Variants in SRPK2 observed in about 807,000 individuals in gnomAD.
The protein encoded by SRPK2 is SFRS protein kinase 2.
SRPK2 carries 21 observed loss-of-function variants against 90.8 expected under a neutral mutation model. That is an observed-to-expected ratio of 0.23 (90% CI 0.16 to 0.33). SRPK2 has a LOEUF of 0.33. Among genes scored for constraint, SRPK2 ranks in the 10% least tolerant of loss-of-function variants. SRPK2 has a pLI of 1.00. For missense variants in SRPK2, 620 were observed against 869.0 expected, an observed-to-expected ratio of 0.71 and a Z score of 3.60; for synonymous variants, 288 against 311.1, an observed-to-expected ratio of 0.93 and a Z score of 0.78.
At chr7:105,141,705 A>C (rs186126213) in intron 11 of SRPK2, among the ~76,000 whole-genome samples, 1 of 152,360 alleles carries the variant, frequency 6.6e-6, no homozygotes, top group East Asian at 1.9e-4. Context: ...ACTAAACTAC[A>C]CATTCTAGAA....
chr7:105,124,640 TA>T lies in SRPK2; in HGVS notation c.1915+1607del, dbSNP rs57925635. On this transcript the variant is annotated intron_variant, in intron 15 of 15. Transcript: ENST00000393651. ...TGGACAACAAGAGCAAAACTCCATC[TA>T]AAAAAAAAAAAAAAAAAATCAATGT... Among the ~76,000 whole-genome samples, 87 of 52,930 alleles carry T rather than the reference TA, an allele frequency of 1.6e-3. 1 individual carries two copies. The highest frequency in any genetic ancestry group is 4.6e-3 in the South Asian group (5 of 1,078). 34.7% of individuals were successfully genotyped at this position (52,930 alleles called of 152,430 possible).
chr7:105,374,775 A>G (rs934728190), intron 2 of SRPK2, among the ~76,000 whole-genome samples: 1 of 151,964 alleles, frequency 6.6e-6, no homozygotes, highest in Admixed American at 6.6e-5. Flanking sequence ...ACGCCCAGCT[A>G]TTTTTGTGTT....
At chr7:105,373,934 T>A (rs961679113) in intron 2 of SRPK2, among the ~76,000 whole-genome samples, 11 of 151,958 alleles carry the variant, frequency 7.2e-5, no homozygotes, top group Non-Finnish European at 1.3e-4. Context: ...CTCCCGACTT[T>A]CTTTCTTTTT....
intron 3 of SRPK2, among the ~76,000 whole-genome samples, chr7:105,185,407 A>T (rs1422878915): frequency 1.3e-5 from 2 of 152,072 alleles, no homozygotes; most frequent in African/African-American, 4.8e-5. Flanking sequence ...TATAACTAAA[A>T]AATTAAGTTC....
intron 15 of SRPK2, among the ~76,000 whole-genome samples, chr7:105,122,902 G>A (rs569787701): frequency 6.6e-6 from 1 of 151,086 alleles, no homozygotes; most frequent in Non-Finnish European, 1.5e-5. Flanking sequence ...TAAGTAAACT[G>A]TCTCATTTGA....
chr7:105,233,131 GGAAGGAAGGAA>G (rs1799706985), intron 2 of SRPK2, among the ~76,000 whole-genome samples: 2 of 149,190 alleles, frequency 1.3e-5, no homozygotes, highest in African/African-American at 4.9e-5. Context: ...AAGGAAGGAA[GGAAGGAAGGAA>G]GGAAGGAAGG....
chr7:105,325,117 A>T (rs1307993827), intron 2 of SRPK2, among the ~76,000 whole-genome samples: 1 of 152,188 alleles, frequency 6.6e-6, no homozygotes, highest in Non-Finnish European at 1.5e-5. Flanking sequence ...ATACTAACTT[A>T]ATAATCAAGT....
chr7:105,366,793 T>G (rs764956718), intron 2 of SRPK2, among the ~76,000 whole-genome samples: 1 of 152,254 alleles, frequency 6.6e-6, no homozygotes, highest in Non-Finnish European at 1.5e-5. Flanking sequence ...AACAATGGCT[T>G]CATGAATTTC....
At chr7:105,331,107 G>A (rs952752092) in intron 2 of SRPK2, among the ~76,000 whole-genome samples, 9 of 151,868 alleles carry the variant, frequency 5.9e-5, no homozygotes, top group Admixed American at 6.6e-5. Context: ...TTTGACAACA[G>A]CCTGACCATC....
At chr7:105,168,303 A>G (rs182772178) in intron 4 of SRPK2, among the ~76,000 whole-genome samples, 12 of 152,336 alleles carry the variant, frequency 7.9e-5, no homozygotes, top group Admixed American at 3.9e-4. Flanking sequence ...TGCATGTTGC[A>G]CAAGATTATT....
chr7:105,387,633 C>A (rs984642300), intron 2 of SRPK2, among the ~76,000 whole-genome samples: 3 of 151,680 alleles, frequency 2.0e-5, no homozygotes, highest in Non-Finnish European at 2.9e-5. Flanking sequence ...AAGGAAACAA[C>A]CAAAAATGTT....
intron 2 of SRPK2, among the ~76,000 whole-genome samples, chr7:105,240,806 G>A (rs1800714155): frequency 1.3e-5 from 2 of 151,956 alleles, no homozygotes; most frequent in Non-Finnish European, 2.9e-5. Context: ...AATTTATTAT[G>A]GGCCTTCAAT....
intron 2 of SRPK2, among the ~76,000 whole-genome samples, chr7:105,346,803 T>C (rs956170025): frequency 1.3e-5 from 2 of 151,466 alleles, no homozygotes; most frequent in Non-Finnish European, 2.9e-5. Context: ...CCACATTCCA[T>C]TTCACAACTC....
intron 3 of SRPK2, among the ~76,000 whole-genome samples, chr7:105,186,382 T>C (rs1001169704): frequency 6.6e-6 from 1 of 152,204 alleles, no homozygotes; most frequent in Non-Finnish European, 1.5e-5. Context: ...GTGTCTATTG[T>C]TTCCATCTTT....
intron 2 of SRPK2, among the ~76,000 whole-genome samples, chr7:105,256,298 G>C (rs1803297051): frequency 6.6e-6 from 1 of 151,858 alleles, no homozygotes; most frequent in Non-Finnish European, 1.5e-5. Context: ...TTATTGTTAA[G>C]GCTGTTTTGA....
chr7:105,121,925 T>A (rs1226129014), intron 15 of SRPK2, among the ~76,000 whole-genome samples: 2 of 152,190 alleles, frequency 1.3e-5, no homozygotes, highest in Non-Finnish European at 1.5e-5. Flanking sequence ...TAAAGGCAAA[T>A]CCTGGACTAT....
intron 2 of SRPK2, among the ~76,000 whole-genome samples, chr7:105,205,722 G>C (rs1045038756): frequency 6.6e-6 from 1 of 152,104 alleles, no homozygotes; most frequent in Non-Finnish European, 1.5e-5. Flanking sequence ...AAGGAGGAGA[G>C]GCAAGTAAGG....
Position 105,203,681 on chromosome 7 carries a change from T to G in SRPK2, c.176A>C (p.Glu59Ala). ...CTCCTCATCATCTGATCCCAGGATCTCCTCCTCTGGCTCCGGGGGTGTGGG... is the reference window on the plus strand; with the variant it reads ...CTCCTCATCATCTGATCCCAGGATCGCCTCCTCTGGCTCCGGGGGTGTGGG... Reference protein sequence around the residue: ...PDPTPPEPEEEILGSDDEEQE... With the variant: ...PDPTPPEPEEAILGSDDEEQE... The change falls in exon 3 of 16, where the codon GAG becomes GCG. Residue 59 changes from glutamate (E) to alanine (A), a missense_variant. Physicochemically the swap from Glu to Ala is moderately radical, Grantham distance 107. Coordinates refer to ENST00000393651, the MANE Select transcript of SRPK2 (RefSeq NM_182692.3). The G allele has an allele frequency of 1.3e-6, 2 of 1,568,536 alleles. No individual in the cohort carries two copies. Among genetic ancestry groups the G allele is most frequent in the Non-Finnish European group, 1.7e-6 (2 of 1,161,218 alleles).
chr7:105,389,246 C>T (rs541489626), upstream of SRPK2: 39 of 1,255,190 alleles, frequency 3.1e-5, 3 homozygotes, highest in South Asian at 3.9e-4. Context: ...CTCCGCACCC[C>T]GGCCGGTCGC....
Sources: allele counts gnomAD v4.1 joint callset (sites outside exome capture counted in the v4.1 genomes callset), GRCh38; gene constraint gnomAD v4.1.1; transcripts MANE v1.5; gene names NCBI Gene and HGNC (gene_info 2026-07-23, HGNC 2026-07-21).